The following PM20D2 variants were observed in gnomAD, a reference collection of about 807,000 sequenced individuals.
The protein encoded by PM20D2 is xaa-Arg dipeptidase.
PM20D2 carries 33 observed loss-of-function variants against 42.9 expected under a neutral mutation model. The observed-to-expected ratio is 0.77, with a 90% CI of 0.58 to 1.03. The LOEUF (loss-of-function observed/expected upper bound fraction) is 1.03, where lower values mean the gene tolerates loss of function less well. Among genes scored for constraint, PM20D2 ranks in the 50% least tolerant of loss-of-function variants. PM20D2 has a pLI of 0.00. For missense variants in PM20D2, 548 were observed against 557.0 expected, an observed-to-expected ratio of 0.98 and a Z score of 0.16; for synonymous variants, 250 against 228.2, an observed-to-expected ratio of 1.10 and a Z score of -0.86.
upstream of PM20D2, among the ~76,000 whole-genome samples, chr6:89,145,162 T>C (rs1425629985): frequency 6.6e-6 from 1 of 152,368 alleles, no homozygotes; most frequent in East Asian, 1.9e-4. Flanking sequence ...TACAGTGTTA[T>C]TAATAGGCAT....
Position 89,162,604 on chromosome 6 carries a change from T to C in PM20D2, c.*341T>C, listed in dbSNP as rs1271547499. 5.6e-6 allele frequency: 1 copy of C among 177,232 alleles called. No individual in the cohort carries two copies. 11.0% of individuals were successfully genotyped at this position (177,232 alleles called of 1,614,324 possible). On this transcript the variant is annotated 3_prime_UTR_variant, in exon 7 of 7. Coordinates refer to ENST00000275072, the MANE Select transcript of PM20D2 (RefSeq NM_001010853.3). ...TTTATAAAATATGTTAGTAAACCTT[T>C]TTGTAAGCCTTAAATGTTATGTGTA...
the PM20D2 span, chr6:89,098,695 G>A: frequency 5.1e-5 from 82 of 1,613,788 alleles, no homozygotes; most frequent in Non-Finnish European, 6.1e-5. Flanking sequence ...ATTTACACGG[G>A]GATCTTGCTA....
chr6:89,110,016 A>G, the PM20D2 span, among the ~76,000 whole-genome samples: 1 of 152,208 alleles, frequency 6.6e-6, no homozygotes, highest in African/African-American at 2.4e-5. Context: ...GTGTGAACCC[A>G]GGAGGCGGAG....
the PM20D2 span, among the ~76,000 whole-genome samples, chr6:89,095,359 T>G: frequency 2.0e-5 from 3 of 152,158 alleles, no homozygotes; most frequent in African/African-American, 7.2e-5. Flanking sequence ...CTGAGTAGCA[T>G]GCGCCACCAC....
In PM20D2 at chr6:89,153,079, T is replaced by G. The variant is rs750294751; in HGVS notation, c.651T>G (p.Ser217=). Residue 217 remains serine, a synonymous_variant, in exon 3 of 7, where the codon TCT becomes TCG. Transcript: ENST00000275072. ...TVKYYGKASH[S]ASYPWEGLNA... ...AATACTATGGAAAAGCATCTCATTC[T>G]GCTTCTTATCCCTGGGAAGGATTAA... 6.2e-7 allele frequency: 1 copy of G among 1,607,292 alleles called. No homozygotes were observed. The highest frequency in any genetic ancestry group is 8.5e-7 in the Non-Finnish European group (1 of 1,175,232).
At chr6:89,099,921 C>A in the PM20D2 span, among the ~76,000 whole-genome samples, 1 of 152,108 alleles carries the variant, frequency 6.6e-6, no homozygotes. Context: ...GCAGGAAGAA[C>A]CTGAGGGATT....
chr6:89,126,278 C>T, the PM20D2 span, among the ~76,000 whole-genome samples: 1 of 152,050 alleles, frequency 6.6e-6, no homozygotes, highest in East Asian at 1.9e-4. Flanking sequence ...ATCTGTAGTC[C>T]CAGCTACTGG....
At chr6:89,149,231 G>T in intron 1 of PM20D2, 34 bp from the exon 2 acceptor site, 1 of 1,605,298 alleles carries the variant, frequency 6.2e-7, no homozygotes, top group African/African-American at 1.3e-5. Flanking sequence ...TGAGGATTTT[G>T]TTGTTTTTCC....
At chr6:89,147,281 T>C (rs996306015) in intron 1 of PM20D2, among the ~76,000 whole-genome samples, 1 of 152,238 alleles carries the variant, frequency 6.6e-6, no homozygotes, top group Non-Finnish European at 1.5e-5. Context: ...GCAAGTTTAA[T>C]CCTGTTTTAC....
the PM20D2 span, among the ~76,000 whole-genome samples, chr6:89,116,682 G>A: frequency 6.6e-6 from 1 of 151,812 alleles, no homozygotes; most frequent in Non-Finnish European, 1.5e-5. Context: ...TGCTGAGGCA[G>A]GAGAATCGCT....
the PM20D2 span, among the ~76,000 whole-genome samples, chr6:89,108,628 G>A: frequency 6.6e-6 from 1 of 152,128 alleles, no homozygotes; most frequent in Non-Finnish European, 1.5e-5. Flanking sequence ...TTGGACAAAT[G>A]GAAAAAAGAT....
the PM20D2 span, among the ~76,000 whole-genome samples, chr6:89,133,630 T>A: frequency 1.3e-5 from 2 of 151,180 alleles, no homozygotes; most frequent in Non-Finnish European, 2.9e-5. Context: ...TAAAGAGAAA[T>A]GTAATAAGAG....
At chr6:89,105,545 A>C in the PM20D2 span, 1 of 1,556,040 alleles carries the variant, frequency 6.4e-7, no homozygotes, top group East Asian at 2.3e-5. Flanking sequence ...CTAGCTGTTA[A>C]GGACACTTTG....
At chr6:89,161,431 G>A (rs1771231417) in intron 5 of PM20D2, among the ~76,000 whole-genome samples, 1 of 152,182 alleles carries the variant, frequency 6.6e-6, no homozygotes, top group Non-Finnish European at 1.5e-5. Context: ...CCCCAAGAGA[G>A]ACAGAAGAAG....
At chr6:89,113,309 G>T in the PM20D2 span, among the ~76,000 whole-genome samples, 287 of 152,212 alleles carry the variant, frequency 1.9e-3, 3 homozygotes, top group African/African-American at 6.2e-3. Flanking sequence ...TAGTAGCTGG[G>T]ACTACAGGCG....
intron 1 of PM20D2, 44 bp downstream of exon 1, chr6:89,146,653 TCGG>T: frequency 7.4e-7 from 1 of 1,348,044 alleles, no homozygotes; most frequent in Non-Finnish European, 9.5e-7. Context: ...ACTGCCCGGG[TCGG>T]GGGCGACCCG....
the PM20D2 span, among the ~76,000 whole-genome samples, chr6:89,131,166 T>G: frequency 1.3e-5 from 2 of 152,058 alleles, no homozygotes; most frequent in African/African-American, 4.8e-5. Context: ...ATAAAACCAC[T>G]AATCCCACTC....
chr6:89,155,258 CTTTTTTTTTTT>C, intron 4 of PM20D2, among the ~76,000 whole-genome samples: 1 of 58,934 alleles, frequency 1.7e-5, no homozygotes, highest in East Asian at 6.2e-4. Flanking sequence ...TCAGCAAAAG[CTTTTTTTTTTT>C]TTTTTTTTTT....
At chr6:89,147,003 A>G (rs1462559158) in intron 1 of PM20D2, among the ~76,000 whole-genome samples, 2 of 152,204 alleles carry the variant, frequency 1.3e-5, no homozygotes, top group Admixed American at 1.3e-4. Flanking sequence ...AACTTCTTGT[A>G]GGTAATCCTA....
Sources: allele counts gnomAD v4.1 joint callset (sites outside exome capture counted in the v4.1 genomes callset), GRCh38; gene constraint gnomAD v4.1.1; transcripts MANE v1.5; gene names NCBI Gene and HGNC (gene_info 2026-07-23, HGNC 2026-07-21).